HEATR5A: variants seen among roughly 807,000 people sequenced by gnomAD.
The protein encoded by HEATR5A is HEAT repeat containing 5A.
A neutral mutation model predicts 218.8 loss-of-function variants in HEATR5A; 178 were observed. The observed-to-expected ratio is 0.81, with a 90% CI of 0.72 to 0.92. The LOEUF (loss-of-function observed/expected upper bound fraction) is 0.92, where lower values mean the gene tolerates loss of function less well. Ranked by LOEUF, HEATR5A falls within the 40% of genes least tolerant of loss-of-function variation. The pLI is 0.00. For synonymous variants in HEATR5A, 864 were observed against 871.6 expected, an observed-to-expected ratio of 0.99 and a Z score of 0.15; for missense variants, 2,420 against 2,418.9, an observed-to-expected ratio of 1.00 and a Z score of -0.01.
chr14:31,313,439 A>C (rs377407116), intron 27 of HEATR5A, among the ~76,000 whole-genome samples: 2 of 152,270 alleles, frequency 1.3e-5, no homozygotes, highest in South Asian at 2.1e-4. Flanking sequence ...CACTTCTCAC[A>C]TTTACAATCA....
At chr14:31,411,129 A>G (rs2031256625) in intron 1 of HEATR5A, among the ~76,000 whole-genome samples, 1 of 152,180 alleles carries the variant, frequency 6.6e-6, no homozygotes, top group Non-Finnish European at 1.5e-5. Flanking sequence ...TGGCAGTACA[A>G]ATGGTTCAAC....
intron 19 of HEATR5A, among the ~76,000 whole-genome samples, chr14:31,346,070 CTCTT>C (rs1445436954): frequency 6.6e-6 from 1 of 152,136 alleles, no homozygotes; most frequent in African/African-American, 2.4e-5. Context: ...TAAAAGCTCT[CTCTT>C]CAGAAAATGA....
rs78956925 is a variant in HEATR5A at position 31,317,463 on chromosome 14, C to T, written c.4038+761G>A. ...CTGGGACAACAGACACCTGCCACCACGCCTAGCTATTTTTAGTAGACTGGG... is the reference window on the plus strand; with the variant it reads ...CTGGGACAACAGACACCTGCCACCATGCCTAGCTATTTTTAGTAGACTGGG... On this transcript the variant is annotated intron_variant, in intron 26 of 35. Coordinates refer to ENST00000543095, the MANE Select transcript of HEATR5A (RefSeq NM_015473.4). Among the ~76,000 whole-genome samples, 351 of 151,984 alleles carry T rather than the reference C, an allele frequency of 2.3e-3. 2 individuals are homozygous for T. The highest frequency in any genetic ancestry group is 7.7e-3 in the African/African-American group (319 of 41,450).
At chr14:31,327,369 C>T (rs1474468700) in intron 22 of HEATR5A, among the ~76,000 whole-genome samples, 1 of 139,132 alleles carries the variant, frequency 7.2e-6, no homozygotes, top group Non-Finnish European at 1.5e-5. Flanking sequence ...TCTTGGCTCA[C>T]TGCAACCTCC....
intron 21 of HEATR5A, among the ~76,000 whole-genome samples, chr14:31,341,756 A>T (rs550147436): frequency 1.3e-5 from 2 of 152,240 alleles, no homozygotes; most frequent in Non-Finnish European, 2.9e-5. Flanking sequence ...TTTCTCAATA[A>T]ACTTTAATTA....
chr14:31,394,744 G>T (rs2030589417), intron 5 of HEATR5A, among the ~76,000 whole-genome samples: 1 of 152,158 alleles, frequency 6.6e-6, no homozygotes, highest in Non-Finnish European at 1.5e-5. Flanking sequence ...CGTGAACCCG[G>T]GAGGCAGAGC....
chr14:31,315,913 C>A lies in HEATR5A; in HGVS notation c.4075G>T (p.Asp1359Tyr). The A allele has an allele frequency of 1.3e-6, 2 of 1,573,498 alleles. No homozygotes were observed. Among genetic ancestry groups the A allele is most frequent in the South Asian group, 1.2e-5 (1 of 85,966 alleles). ...SAWIASGVVS[D>Y]LNDLRRVHQL... ...TGAACTCTTCGGAGATCATTAAGGTCACTTACAACTCCACTTGCTATCCAG... is the reference window on the plus strand; with the variant it reads ...TGAACTCTTCGGAGATCATTAAGGTAACTTACAACTCCACTTGCTATCCAG... The change falls in exon 27 of 36, where the codon GAC becomes TAC. Residue 1359 changes from aspartate to tyrosine, a missense_variant. By Grantham distance (160) the Asp-to-Tyr change is radical. Transcript: ENST00000543095.
Position 31,358,629 on chromosome 14 carries a change from A to G in HEATR5A, c.2411+8T>C, listed in dbSNP as rs543155141. On this transcript the variant is annotated splice_region_variant and intron_variant, in intron 16 of 35. Coordinates refer to ENST00000543095, the MANE Select transcript of HEATR5A (RefSeq NM_015473.4). The stretch of plus-strand genomic sequence containing the variant: ...TTATCCATTCACTGAACCATTGAAG[A>G]TATTTACCTTTGAGTTTCTCCCACA... The G allele has an allele frequency of 6.2e-7, 1 of 1,611,270 alleles. No individual in the cohort carries two copies. The highest frequency in any genetic ancestry group is 8.5e-7 in the Non-Finnish European group (1 of 1,178,562).
chr14:31,344,251 T>C (rs774062663), intron 20 of HEATR5A, among the ~76,000 whole-genome samples, 186 bp from the exon 21 acceptor site: 14 of 150,418 alleles, frequency 9.3e-5, no homozygotes, highest in Non-Finnish European at 2.1e-4. Context: ...AAGTTACAGA[T>C]TGTTAGATTA....
intron 6 of HEATR5A, among the ~76,000 whole-genome samples, chr14:31,390,141 G>A (rs544916929): frequency 6.6e-6 from 1 of 152,270 alleles, no homozygotes; most frequent in South Asian, 2.1e-4. Context: ...GCCTTTATAG[G>A]ATGCCAGGTG....
At chr14:31,300,042 A>C (rs1281084440) in intron 33 of HEATR5A, among the ~76,000 whole-genome samples, 1 of 152,108 alleles carries the variant, frequency 6.6e-6, no homozygotes, top group South Asian at 2.1e-4. Context: ...ACTCAACAAC[A>C]ACCACAACAA....
At chr14:31,295,402 A>G (rs1393069947) in intron 34 of HEATR5A, 3 of 152,108 alleles carry the variant, frequency 2.0e-5, no homozygotes, top group African/African-American at 7.3e-5. Context: ...CTGCTCCCCC[A>G]CACCAGGTTA....
rs1195491113 is a variant in HEATR5A, at chr14:31,326,347, CAAG to C, written c.3368-8_3368-6del. The C allele has an allele frequency of 1.9e-6, 3 of 1,601,794 alleles. No individual in the cohort carries two copies. Among genetic ancestry groups the C allele is most frequent in the Admixed American group, 1.7e-5 (1 of 57,596 alleles). On this transcript the variant is annotated splice_region_variant and splice_polypyrimidine_tract_variant and intron_variant, in intron 22 of 35. Transcript: ENST00000543095. ...CAACTTCTCTGATGTTAGCATCTGA[CAAG>C]AAGAAAATCAATTATCTAAGTAATA...
At chr14:31,318,094 G>A (rs1899969246) in intron 26 of HEATR5A, 130 bp downstream of exon 26, 4 of 719,524 alleles carry the variant, frequency 5.6e-6, no homozygotes, top group Non-Finnish European at 9.7e-6. Flanking sequence ...GGAAGAGTAA[G>A]TTTAAGAAGA....
rs967408404 is a variant in HEATR5A, at chr14:31,329,376, C to T, written c.3368-3034G>A. ...TGTAAAATCAAAAGCAAGTTAGTTA[C>T]TTCCTAGATACAATGGGGGTACAGG... On this transcript the variant is annotated intron_variant, in intron 22 of 35. Transcript: ENST00000543095. 3.3e-5 allele frequency among the ~76,000 whole-genome samples: 5 copies of T among 152,348 alleles called. No individual in the cohort carries two copies. The South Asian group carries it at 1.0e-3, about 32-fold the overall frequency.
chr14:31,390,922 A>G (rs1466356066), intron 6 of HEATR5A, among the ~76,000 whole-genome samples: 1 of 152,162 alleles, frequency 6.6e-6, no homozygotes, highest in Non-Finnish European at 1.5e-5. Flanking sequence ...AGGCATCGCT[A>G]TTACAGGAGA....
chr14:31,334,526 G>A lies in HEATR5A; in HGVS notation c.3367+2950C>T, dbSNP rs1014345690. ...GTTGATAAAGTGGTAGCAGGTTTGA[G>A]AGAACTGATTCTAGTTTTCAAAGTT... On this transcript the variant is annotated intron_variant, in intron 22 of 35. Transcript: ENST00000543095. 68 of 442,464 alleles carry A rather than the reference G, an allele frequency of 1.5e-4. No homozygotes were observed. In the Admixed American group the frequency reaches 1.6e-3, roughly 11 times the overall value. The allele number at this position is 442,464 out of a possible 1,614,324, so 27.4% of individuals were successfully genotyped here.
At chr14:31,406,198 A>C (rs2139313893) in intron 1 of HEATR5A, among the ~76,000 whole-genome samples, 1 of 152,260 alleles carries the variant, frequency 6.6e-6, no homozygotes, top group Admixed American at 6.5e-5. Context: ...TACCTGAGAA[A>C]TGCTTATTTT....
intron 22 of HEATR5A, among the ~76,000 whole-genome samples, chr14:31,336,203 TATATACATACATAC>T (rs1566758992): frequency 3.5e-4 from 4 of 11,282 alleles, no homozygotes; most frequent in Non-Finnish European, 1.1e-3. Context: ...GTTATTTTTA[TATATACATACATAC>T]ATATATATAT....
Sources: gnomAD v4.1 joint callset for allele counts (sites outside exome capture counted in the v4.1 genomes callset) on GRCh38, gnomAD v4.1.1 for gene constraint, MANE v1.5 for transcripts, NCBI Gene and HGNC (gene_info 2026-07-23, HGNC 2026-07-21) for gene names.